The following EPDR1 variants were observed in gnomAD, a reference collection of about 807,000 sequenced individuals.
EPDR1 encodes the protein mammalian ependymin-related protein 1.
Under a neutral mutation model 23.7 loss-of-function variants are expected in EPDR1, and 27 were observed. The observed-to-expected ratio is 1.14, with a 90% CI of 0.84 to 1.57. EPDR1 has a LOEUF of 1.57. EPDR1 is among the 40% of genes most tolerant of loss of function. The pLI, the probability that EPDR1 is intolerant of heterozygous loss-of-function variation, is 0.00. For missense variants in EPDR1, 349 were observed against 290.4 expected, an observed-to-expected ratio of 1.20 and a Z score of -1.47; for synonymous variants, 137 against 118.2, an observed-to-expected ratio of 1.16 and a Z score of -1.03.
At chr7:37,945,039 C>T (rs1416925484) in intron 1 of EPDR1, among the ~76,000 whole-genome samples, 1 of 152,110 alleles carries the variant, frequency 6.6e-6, no homozygotes, top group Non-Finnish European at 1.5e-5. Context: ...TTTTGGGTGG[C>T]CCACGGGTCA....
At chr7:37,940,455 G>T (rs1269830730) in intron 1 of EPDR1, among the ~76,000 whole-genome samples, 2 of 152,146 alleles carry the variant, frequency 1.3e-5, no homozygotes, top group South Asian at 2.1e-4. Flanking sequence ...TAAAACAAAG[G>T]AACCTAATGA....
chr7:37,944,937 A>C (rs183806446), intron 1 of EPDR1, among the ~76,000 whole-genome samples: 12 of 152,308 alleles, frequency 7.9e-5, no homozygotes, highest in Non-Finnish European at 1.5e-4. Flanking sequence ...ATATCAGCAA[A>C]AGCTAGGAAT....
intron 1 of EPDR1, among the ~76,000 whole-genome samples, chr7:37,923,873 C>T (rs935806097): frequency 6.6e-6 from 1 of 152,128 alleles, no homozygotes; most frequent in Admixed American, 6.5e-5. Context: ...ATAAAACATA[C>T]AGTACAATGT....
intron 1 of EPDR1, among the ~76,000 whole-genome samples, chr7:37,946,175 T>G (rs1786270788): frequency 6.6e-6 from 1 of 152,202 alleles, no homozygotes; most frequent in African/African-American, 2.4e-5. Flanking sequence ...CTATTGTGAA[T>G]AGTGCTGCAA....
At chr7:37,947,101 T>A (rs891286054) in intron 1 of EPDR1, among the ~76,000 whole-genome samples, 2 of 152,206 alleles carry the variant, frequency 1.3e-5, no homozygotes, top group African/African-American at 4.8e-5. Flanking sequence ...ACTCACTCAC[T>A]CACTCACCTA....
intron 1 of EPDR1, among the ~76,000 whole-genome samples, chr7:37,940,198 A>C (rs1786142088): frequency 6.6e-6 from 1 of 152,198 alleles, no homozygotes; most frequent in Non-Finnish European, 1.5e-5. Flanking sequence ...GAAGAAGAGA[A>C]AATAATAATT....
intron 1 of EPDR1, among the ~76,000 whole-genome samples, chr7:37,945,168 A>C (rs1786248129): frequency 6.6e-6 from 1 of 152,222 alleles, no homozygotes; most frequent in Non-Finnish European, 1.5e-5. Flanking sequence ...CTTAGGCTCT[A>C]TTGTGTCAGA....
chr7:37,951,222 G>A lies in EPDR1; in HGVS notation c.*826G>A, dbSNP rs1417859012. ...CTGAACAGGGAGTCAGGAGACTATTGTCTCCTAAACCCAGGACTAGAGTTC... is the reference window on the plus strand; with the variant it reads ...CTGAACAGGGAGTCAGGAGACTATTATCTCCTAAACCCAGGACTAGAGTTC... On this transcript the variant is annotated 3_prime_UTR_variant, in exon 3 of 3. Transcript: ENST00000199448. The A allele has an allele frequency of 6.6e-6, 1 of 152,112 alleles. No individual in the cohort carries two copies. The highest frequency in any genetic ancestry group is 1.9e-4 in the East Asian group (1 of 5,200). 9.4% of individuals were successfully genotyped at this position (152,112 alleles called of 1,614,324 possible). A position where few individuals can be genotyped will look rare whatever the true frequency, so the allele number is the denominator to read the frequency against.
At chr7:37,934,038 G>A (rs544992308) in intron 1 of EPDR1, among the ~76,000 whole-genome samples, 5 of 149,100 alleles carry the variant, frequency 3.4e-5, no homozygotes, top group African/African-American at 7.4e-5. Flanking sequence ...GTGCAGTGGC[G>A]TGATCTCAGC....
intron 1 of EPDR1, among the ~76,000 whole-genome samples, chr7:37,948,499 A>G (rs1304252411): frequency 6.6e-6 from 1 of 151,968 alleles, no homozygotes; most frequent in East Asian, 1.9e-4. Context: ...GTGCACTGCC[A>G]TGTCTGGCTA....
chr7:37,946,700 C>A (rs1229632153), intron 1 of EPDR1, among the ~76,000 whole-genome samples: 1 of 152,068 alleles, frequency 6.6e-6, no homozygotes, highest in Non-Finnish European at 1.5e-5. Flanking sequence ...TCCAGTGGGA[C>A]AAGATGTGGG....
chr7:37,932,183 C>T (rs1233318904), intron 1 of EPDR1, among the ~76,000 whole-genome samples: 1 of 152,098 alleles, frequency 6.6e-6, no homozygotes, highest in East Asian at 1.9e-4. Context: ...CTGAATTCTA[C>T]AATAATACCC....
intron 1 of EPDR1, among the ~76,000 whole-genome samples, chr7:37,944,509 T>C (rs979872341): frequency 1.3e-5 from 2 of 152,186 alleles, no homozygotes; most frequent in African/African-American, 4.8e-5. Context: ...TACCTGAGAC[T>C]GGGTAATTTA....
intron 1 of EPDR1, among the ~76,000 whole-genome samples, chr7:37,947,904 C>T (rs1261628008): frequency 6.6e-6 from 1 of 152,210 alleles, no homozygotes; most frequent in African/African-American, 2.4e-5. Context: ...CGGGAGGAGG[C>T]TGAGAGCATG....
At chr7:37,931,946 G>T (rs764823697) in intron 1 of EPDR1, among the ~76,000 whole-genome samples, 10 of 152,154 alleles carry the variant, frequency 6.6e-5, no homozygotes. Context: ...CTGACCTCGT[G>T]ATCTGCCCAC....
intron 1 of EPDR1, among the ~76,000 whole-genome samples, chr7:37,932,040 A>G (rs911797197): frequency 6.6e-6 from 1 of 151,914 alleles, no homozygotes; most frequent in Non-Finnish European, 1.5e-5. Context: ...TGGAGGTTTG[A>G]TACTCTGCTT....
intron 1 of EPDR1, among the ~76,000 whole-genome samples, chr7:37,924,924 T>A (rs943559161): frequency 2.0e-5 from 3 of 152,216 alleles, no homozygotes; most frequent in Non-Finnish European, 4.4e-5. Flanking sequence ...ATCAACTTCT[T>A]AAGATTTTCA....
intron 1 of EPDR1, among the ~76,000 whole-genome samples, chr7:37,945,674 T>G (rs891297790): frequency 1.3e-5 from 2 of 152,212 alleles, no homozygotes; most frequent in Non-Finnish European, 2.9e-5. Context: ...TGCTGTCAGT[T>G]GTACACAATT....
intron 1 of EPDR1, among the ~76,000 whole-genome samples, chr7:37,939,090 T>C (rs1481698479): frequency 6.6e-6 from 1 of 151,948 alleles, no homozygotes; most frequent in Non-Finnish European, 1.5e-5. Context: ...ACCATTCTCC[T>C]GCCTCAGACT....
Sources: allele counts gnomAD v4.1 joint callset (sites outside exome capture counted in the v4.1 genomes callset), GRCh38; gene constraint gnomAD v4.1.1; transcripts MANE v1.5; gene names NCBI Gene and HGNC (gene_info 2026-07-23, HGNC 2026-07-21).